Variants in OPN5 observed in about 807,000 individuals in gnomAD.
The protein encoded by OPN5 is opsin-5.
In OPN5, 18 loss-of-function variants were observed where a neutral mutation model predicts 41.7. That is an observed-to-expected ratio of 0.43 (90% CI 0.30 to 0.64). OPN5 has a LOEUF of 0.64. Among genes scored for constraint, OPN5 ranks in the 30% least tolerant of loss-of-function variants. OPN5 has a pLI of 0.13. For synonymous variants in OPN5, 178 were observed against 164.3 expected, an observed-to-expected ratio of 1.08 and a Z score of -0.64; for missense variants, 318 against 434.5, an observed-to-expected ratio of 0.73 and a Z score of 2.38.
At chr6:47,795,778 T>TCTCA (rs766899041) in intron 4 of OPN5, among the ~76,000 whole-genome samples, 339 of 142,878 alleles carry the variant, frequency 2.4e-3, no homozygotes, top group Non-Finnish European at 2.9e-3. Flanking sequence ...TCTCTCTCTC[T>TCTCA]CACACACACA....
At chr6:47,786,725 C>T in intron 2 of OPN5, 91 bp downstream of exon 2, 1 of 1,109,744 alleles carries the variant, frequency 9.0e-7, no homozygotes, top group Admixed American at 2.0e-5. Flanking sequence ...CCTGACATCT[C>T]TTCCCTTCAC....
chr6:47,808,338 C>A (rs771226463), exon 5 of OPN5: 1 of 1,614,006 alleles, frequency 6.2e-7, no homozygotes, highest in Non-Finnish European at 8.5e-7. Flanking sequence ...TACAAATTTG[C>A]CTGTTGCCAA....
chr6:47,791,376 T>C (rs1295803681), intron 2 of OPN5, among the ~76,000 whole-genome samples: 1 of 152,066 alleles, frequency 6.6e-6, no homozygotes, highest in Admixed American at 6.6e-5. Context: ...GAAGAGTGTA[T>C]TTTCTCTCAG....
intron 3 of OPN5, chr6:47,794,947 C>A: frequency 5.7e-6 from 2 of 350,228 alleles, no homozygotes; most frequent in African/African-American, 2.0e-5. Context: ...TCTTCAGCAT[C>A]CTCTCATCTC....
Position 47,795,778 on chromosome 6 carries a change from TCA to T in OPN5, c.756+248_756+249del, listed in dbSNP as rs57933636. On this transcript the variant is annotated intron_variant, in intron 4 of 6. Transcript: ENST00000371211. ...CTTCTCTCTTCTCTCTCTCTCTCTC[TCA>T]CACACACACACACACACACACACAC... Among the ~76,000 whole-genome samples, 1,299 of 142,826 alleles carry T rather than the reference TCA, an allele frequency of 9.1e-3. 12 individuals are homozygous for T. The highest frequency in any genetic ancestry group is 0.025 in the African/African-American group (904 of 36,788). 93.7% of individuals were successfully genotyped at this position (142,826 alleles called of 152,430 possible). A position where few individuals can be genotyped will look rare whatever the true frequency, so the allele number is the denominator to read the frequency against.
intron 4 of OPN5, among the ~76,000 whole-genome samples, chr6:47,807,514 G>A (rs1217883106): frequency 2.0e-5 from 3 of 152,142 alleles, no homozygotes; most frequent in Non-Finnish European, 2.9e-5. Context: ...AAGAGGCTCC[G>A]AAGGTGATTA....
intron 1 of OPN5, among the ~76,000 whole-genome samples, chr6:47,784,262 T>C (rs1773146177): frequency 6.6e-6 from 1 of 151,426 alleles, no homozygotes; most frequent in Non-Finnish European, 1.5e-5. Context: ...TGTCTGGTTT[T>C]CACTCTCCTA....
chr6:47,788,807 G>GGT lies in OPN5; in HGVS notation c.250+2174_250+2175insTG, dbSNP rs1019811138. Among the ~76,000 whole-genome samples the GGT allele has an allele frequency of 4.1e-5, 6 of 147,782 alleles. 1 individual carries two copies. The highest frequency in any genetic ancestry group is 2.0e-4 in the East Asian group (1 of 4,980). ...AGTCGTGTTATATTAGGATAACCTG[G>GGT]GGGGGGGCGGTGGTGGTGTTAAAAA... On this transcript the variant is annotated intron_variant, in intron 2 of 6. Coordinates refer to ENST00000371211, the Ensembl canonical transcript of OPN5.
chr6:47,808,405 C>G lies in OPN5; in HGVS notation c.998+10C>G. The G allele has an allele frequency of 6.2e-7, 1 of 1,613,766 alleles. No individual in the cohort carries two copies. Among genetic ancestry groups the G allele is most frequent in the Non-Finnish European group, 8.5e-7 (1 of 1,179,848 alleles). Reference sequence around the variant, plus strand: ...CTCTGGAAGGCTTCAGGTAAAACTTCAGAAGCTGGAAATGAATTACACTCT... The same window carrying G: ...CTCTGGAAGGCTTCAGGTAAAACTTGAGAAGCTGGAAATGAATTACACTCT... On this transcript the variant is annotated intron_variant, in intron 5 of 6. Transcript: ENST00000371211.
chr6:47,817,086 G>A (rs1185228997), intron 6 of OPN5, among the ~76,000 whole-genome samples: 5 of 152,112 alleles, frequency 3.3e-5, no homozygotes, highest in African/African-American at 1.2e-4. Flanking sequence ...AGGAACTGAT[G>A]CTATGAGACA....
chr6:47,802,414 C>T (rs1227252961), intron 4 of OPN5, among the ~76,000 whole-genome samples: 3 of 152,150 alleles, frequency 2.0e-5, no homozygotes, highest in South Asian at 4.1e-4. Flanking sequence ...TAGTCAACTT[C>T]TGCTGCTTGT....
intron 4 of OPN5, among the ~76,000 whole-genome samples, chr6:47,801,096 C>G (rs1773753211): frequency 6.6e-6 from 1 of 152,158 alleles, no homozygotes; most frequent in Non-Finnish European, 1.5e-5. Context: ...GGCACTTTAT[C>G]TTTAGTGACA....
Position 47,819,350 on chromosome 6 carries a change from TATAA to T in OPN5, c.1057-4631_1057-4628del, listed in dbSNP as rs1234832480. Reference sequence around the variant, plus strand: ...TGAAAATTAGGAATATATATATATATATAAAAAATATATTACCGTATAAGTAGAA... The same window carrying T: ...TGAAAATTAGGAATATATATATATATAAAATATATTACCGTATAAGTAGAA... On this transcript the variant is annotated intron_variant, in intron 6 of 6. Transcript: ENST00000371211. 9.0e-4 allele frequency among the ~76,000 whole-genome samples: 89 copies of T among 98,502 alleles called. 20 individuals carry two copies. Among genetic ancestry groups the T allele is most frequent in the East Asian group, 6.4e-3 (17 of 2,674 alleles). 64.6% of individuals were successfully genotyped at this position (98,502 alleles called of 152,430 possible).
At chr6:47,820,557 T>A (rs2114013157) in intron 6 of OPN5, among the ~76,000 whole-genome samples, 1 of 152,296 alleles carries the variant, frequency 6.6e-6, no homozygotes, top group East Asian at 1.9e-4. Context: ...CTATTCCTTT[T>A]AAGGGAGTCG....
At chr6:47,822,069 G>A (rs1427392053) in intron 6 of OPN5, among the ~76,000 whole-genome samples, 3 of 149,132 alleles carry the variant, frequency 2.0e-5, no homozygotes, top group South Asian at 2.1e-4. Context: ...CTGAGATGGC[G>A]CCGCTGCCCT....
At chr6:47,822,896 A>G (rs1468834628) in intron 6 of OPN5, among the ~76,000 whole-genome samples, 1 of 152,186 alleles carries the variant, frequency 6.6e-6, no homozygotes, top group Non-Finnish European at 1.5e-5. Context: ...CCACAAGCTA[A>G]TCTGTTCTAG....
At chr6:47,816,399 G>C (rs564941826) in intron 6 of OPN5, among the ~76,000 whole-genome samples, 54 of 152,224 alleles carry the variant, frequency 3.5e-4, no homozygotes, top group African/African-American at 1.2e-3. Context: ...CCCTGATGAG[G>C]AGAGAAATAT....
chr6:47,817,468 C>A (rs930828468), intron 6 of OPN5, among the ~76,000 whole-genome samples: 1 of 151,914 alleles, frequency 6.6e-6, no homozygotes, highest in Non-Finnish European at 1.5e-5. Flanking sequence ...AGTTTAAACT[C>A]GTTAATGTCT....
chr6:47,824,108 T>C (rs977946927), exon 7 of OPN5: 22 of 780,070 alleles, frequency 2.8e-5, no homozygotes, highest in Non-Finnish European at 4.4e-5. Flanking sequence ...CCACTTACCC[T>C]GTCAGGAAAA....
Sources: allele counts gnomAD v4.1 joint callset (sites outside exome capture counted in the v4.1 genomes callset), GRCh38; gene constraint gnomAD v4.1.1; transcripts MANE v1.5; gene names NCBI Gene and HGNC (gene_info 2026-07-23, HGNC 2026-07-21).